UBR4: variants seen among roughly 807,000 people sequenced by gnomAD.
The protein encoded by UBR4 is ubiquitin protein ligase E3 component n-recognin 4, also known as E3 ubiquitin-protein ligase UBR4.
Under a neutral mutation model 575.6 loss-of-function variants are expected in UBR4, and 124 were observed. That is an observed-to-expected ratio of 0.22 (90% CI 0.19 to 0.25). The LOEUF (loss-of-function observed/expected upper bound fraction) is 0.25, where lower values mean the gene tolerates loss of function less well. Among genes scored for constraint, UBR4 ranks in the 10% least tolerant of loss-of-function variants. UBR4 has a pLI of 1.00. For missense variants in UBR4, 4,818 were observed against 6,478.8 expected, an observed-to-expected ratio of 0.74 and a Z score of 8.80; for synonymous variants, 2,455 against 2,473.7, an observed-to-expected ratio of 0.99 and a Z score of 0.22.
At position 19,106,802 on chromosome 1, in the gene UBR4, C is replaced by G. The variant is rs185521454; in HGVS notation, c.12235+35G>C. The G allele has an allele frequency of 6.0e-5, 97 of 1,607,122 alleles. No homozygotes were observed. In the African/African-American group the frequency reaches 1.2e-3, roughly 20 times the overall value. On this transcript the variant is annotated intron_variant, in intron 82 of 105. Transcript: ENST00000375254. ...GAAGGCAGGGCTGTCAGAGCGCAGG[C>G]AGGACTTCCCGGCGTCTTGAAGAGA...
chr1:19,110,000 C>G (rs2079661271), intron 81 of UBR4, 96 bp downstream of exon 81: 1 of 1,572,352 alleles, frequency 6.4e-7, no homozygotes, highest in South Asian at 1.2e-5. Flanking sequence ...GGGCTCAAGG[C>G]AAAGCGGAGA....
At chr1:19,094,279 G>T in intron 94 of UBR4, 140 bp from the exon 95 acceptor site, 1 of 599,670 alleles carries the variant, frequency 1.7e-6, no homozygotes, top group Non-Finnish European at 2.8e-6. Context: ...GCACTTCTTG[G>T]GGAATAACAA....
chr1:19,112,891 A>C (rs1461483518), intron 77 of UBR4, 24 bp from the exon 78 acceptor site: 1 of 1,532,504 alleles, frequency 6.5e-7, no homozygotes, highest in Non-Finnish European at 8.8e-7. Context: ...GGCAACAATA[A>C]TGGGAATTAG....
intron 8 of UBR4, among the ~76,000 whole-genome samples, chr1:19,194,597 T>C (rs1217657055): frequency 1.3e-5 from 2 of 150,580 alleles, no homozygotes; most frequent in East Asian, 4.0e-4. Context: ...AGGTCAGGAG[T>C]CTGAGACCAG....
At position 19,199,688 on chromosome 1, in the gene UBR4, C is replaced by A; in HGVS notation, c.341G>T (p.Arg114Leu). The A allele has an allele frequency of 6.2e-7, 1 of 1,614,124 alleles. No individual in the cohort carries two copies. The highest frequency in any genetic ancestry group is 8.5e-7 in the Non-Finnish European group (1 of 1,180,004). ...ACAAGCCTCATCTGGATTCTCCAGA[C>A]GCAGGAGAGAAAACTCAATTAGAAC... is the stretch of plus-strand genomic sequence containing the variant. Reference protein sequence around the residue: ...CKVLIEFSLLRLENPDEACAV... With the variant: ...CKVLIEFSLLLLENPDEACAV... Residue 114 changes from arginine to leucine, a missense_variant, in exon 3 of 106, where the codon CGT (arginine) becomes CTT (leucine). By Grantham distance (102) the Arg-to-Leu change is moderately radical. Transcript: ENST00000375254.
chr1:19,114,997 G>A (rs779652092), intron 74 of UBR4, 48 bp from the exon 75 acceptor site: 98 of 1,612,018 alleles, frequency 6.1e-5, no homozygotes, highest in Non-Finnish European at 8.1e-5. Flanking sequence ...GGCTGGGTGG[G>A]GTGGGGGTCA....
At chr1:19,199,597 G>A in intron 3 of UBR4, 54 bp downstream of exon 3, 1 of 1,523,480 alleles carries the variant, frequency 6.6e-7, no homozygotes, top group South Asian at 1.1e-5. Context: ...TATTCCACTA[G>A]TCAGTCACAA....
At position 19,129,095 on chromosome 1, in the gene UBR4, T is replaced by C. The variant is rs373272475; in HGVS notation, c.8907-21A>G. 992 of 1,605,860 alleles carry C rather than the reference T, an allele frequency of 6.2e-4. 6 individuals are homozygous for C. The highest frequency in any genetic ancestry group is 2.5e-3 in the South Asian group (229 of 90,912). Reference sequence around the variant, plus strand: ...GCAGCCTAAAAGGGTGGGGAAAAGATAGAAAATATGAGCTGTACTCCAACA... The same window carrying C: ...GCAGCCTAAAAGGGTGGGGAAAAGACAGAAAATATGAGCTGTACTCCAACA... On this transcript the variant is annotated intron_variant, in intron 60 of 105. Transcript: ENST00000375254.
intron 3 of UBR4, 125 bp downstream of exon 3, chr1:19,199,526 T>C (rs1441753636): frequency 1.2e-6 from 1 of 800,546 alleles, no homozygotes; most frequent in East Asian, 2.5e-5. Flanking sequence ...ACAGATAACA[T>C]ACAGCCTGCA....
rs753606079 is a variant in UBR4, at chr1:19,169,489, C to T, written c.3687G>A (p.Val1229=). The change falls in exon 27 of 106, where the codon GTG becomes GTA. Residue 1229 remains valine (V), a synonymous_variant. Coordinates refer to ENST00000375254, the MANE Select transcript of UBR4 (RefSeq NM_020765.3). ...TATTGATGTTGTTCCAGGACTCACACACAGTCTGCACTGACGATGGCAAAT... is the reference window on the plus strand; with the variant it reads ...TATTGATGTTGTTCCAGGACTCACATACAGTCTGCACTGACGATGGCAAAT... ...VQNLPSSVQT[V]CESWNNINTN... 4.3e-6 allele frequency: 7 copies of T among 1,613,858 alleles called. No individual in the cohort carries two copies. The Admixed American group carries it at 5.0e-5, about 12-fold the overall frequency.
chr1:19,148,649 T>G (rs566195530), intron 49 of UBR4, 23 bp from the exon 50 acceptor site: 1 of 1,614,106 alleles, frequency 6.2e-7, no homozygotes, highest in South Asian at 1.1e-5. Context: ...AAAACCTGGC[T>G]TGAGTACAAC....
At chr1:19,131,126 C>G (rs1277032919) in intron 60 of UBR4, among the ~76,000 whole-genome samples, 1 of 151,452 alleles carries the variant, frequency 6.6e-6, no homozygotes, top group Admixed American at 6.6e-5. Context: ...CCAGGCTGAT[C>G]TCAAACTCCT....
chr1:19,205,710 G>A (rs774883974), intron 1 of UBR4, among the ~76,000 whole-genome samples: 10 of 150,650 alleles, frequency 6.6e-5, no homozygotes, highest in Non-Finnish European at 1.2e-4. Flanking sequence ...AAAGATCACA[G>A]CATTAGTGCA....
At chr1:19,164,762 T>G in intron 32 of UBR4, 37 bp downstream of exon 32, 2 of 1,601,732 alleles carry the variant, frequency 1.2e-6, no homozygotes, top group Non-Finnish European at 1.7e-6. Context: ...GTTTCTGGGG[T>G]TGCTAGGGAA....
chr1:19,177,768 ATCTGGTGGG>A, intron 18 of UBR4, 25 bp from the exon 19 acceptor site: 1 of 1,602,744 alleles, frequency 6.2e-7, no homozygotes, highest in Admixed American at 1.7e-5. Context: ...AGATGACTAT[ATCTGGTGGG>A]AAAAAGAGCA....
rs776763260 is a variant in UBR4, at chr1:19,186,662, G to GA, written c.1633-6dup. On this transcript the variant is annotated splice_polypyrimidine_tract_variant and splice_region_variant and intron_variant, in intron 13 of 105. Coordinates refer to ENST00000375254, the MANE Select transcript of UBR4 (RefSeq NM_020765.3). ...CTGCCGCTGCAGGACACATGCCTAG[G>GA]AAAATGACAATTACAAAACCGGAGC... 1 of 1,613,268 alleles carries GA rather than the reference G, an allele frequency of 6.2e-7. No individual in the cohort carries two copies. Among genetic ancestry groups the GA allele is most frequent in the East Asian group, 2.2e-5 (1 of 44,872 alleles).
intron 22 of UBR4, 122 bp downstream of exon 22, chr1:19,174,197 G>A: frequency 1.6e-6 from 2 of 1,261,416 alleles, no homozygotes; most frequent in Non-Finnish European, 1.1e-6. Context: ...AAATACTCAA[G>A]TATCAGTCAG....
chr1:19,120,136 G>T (rs2081014390), intron 69 of UBR4, 44 bp downstream of exon 69: 2 of 1,602,386 alleles, frequency 1.2e-6, no homozygotes. Flanking sequence ...ACGCACCCTG[G>T]CCTCACACCC....
At chr1:19,189,568 T>TAAAC (rs2091877174) in intron 11 of UBR4, among the ~76,000 whole-genome samples, 1 of 152,202 alleles carries the variant, frequency 6.6e-6, no homozygotes, top group African/African-American at 2.4e-5. Flanking sequence ...CTTATATATA[T>TAAAC]TTTATATGTG....
Sources: gnomAD v4.1 joint callset for allele counts (sites outside exome capture counted in the v4.1 genomes callset) on GRCh38, gnomAD v4.1.1 for gene constraint, MANE v1.5 for transcripts, NCBI Gene and HGNC (gene_info 2026-07-23, HGNC 2026-07-21) for gene names.